Variants in ATP8A2 observed in about 807,000 individuals in gnomAD.
The protein encoded by ATP8A2 is ATPase phospholipid transporting 8A2.
A neutral mutation model predicts 165.6 loss-of-function variants in ATP8A2; 100 were observed. The observed-to-expected ratio is 0.60, with a 90% CI of 0.51 to 0.71. The LOEUF is 0.71. Ranked by LOEUF, ATP8A2 falls within the 30% of genes least tolerant of loss-of-function variation. The pLI is 0.00. For missense variants in ATP8A2, 1,227 were observed against 1,479.5 expected, an observed-to-expected ratio of 0.83 and a Z score of 2.80; for synonymous variants, 543 against 548.8, an observed-to-expected ratio of 0.99 and a Z score of 0.15.
chr13:25,701,729 C>A (rs1355905591), intron 25 of ATP8A2, among the ~76,000 whole-genome samples: 4 of 107,850 alleles, frequency 3.7e-5, no homozygotes, highest in Non-Finnish European at 8.1e-5. Context: ...CTAAAACACA[C>A]ACACACACAC....
rs1478896287 is a variant in ATP8A2 at position 25,543,332 on chromosome 13, C to T, written c.821C>T (p.Thr274Ile). ...CCTGACCAGATCTTATTAAGAGGTA[C>T]ACAGCTTAGAAATACTCAGTGGGTC... ...LGPDQILLRGTQLRNTQWVFG... is the reference protein window; with the variant it reads ...LGPDQILLRGIQLRNTQWVFG... Residue 274 changes from threonine (T) to isoleucine (I), a missense_variant, in exon 10 of 37, where the codon ACA becomes ATA. Around this residue, in one of 5 missense-constraint regions of ATP8A2, gnomAD observed 356 missense variants for 394.9 expected, o/e 0.90. Transcript: ENST00000381655. 2 of 1,613,114 alleles carry T rather than the reference C, an allele frequency of 1.2e-6. No individual in the cohort carries two copies. Among genetic ancestry groups the T allele is most frequent in the Non-Finnish European group, 1.7e-6 (2 of 1,179,280 alleles).
chr13:25,425,734 C>T (rs1472592471), intron 1 of ATP8A2, among the ~76,000 whole-genome samples: 1 of 152,100 alleles, frequency 6.6e-6, no homozygotes, highest in African/African-American at 2.4e-5. Context: ...ACCACCACGC[C>T]CGGCTAATTT....
intron 25 of ATP8A2, among the ~76,000 whole-genome samples, chr13:25,713,064 G>C (rs1046802903): frequency 1.3e-5 from 2 of 152,098 alleles, no homozygotes; most frequent in African/African-American, 2.4e-5. Flanking sequence ...TTTAAGTTTA[G>C]CAATTTAATC....
intron 32 of ATP8A2, 88 bp from the exon 33 acceptor site, chr13:25,862,213 G>T: frequency 1.2e-6 from 1 of 852,562 alleles, no homozygotes; most frequent in African/African-American, 1.7e-5. Flanking sequence ...AAGGTAGCTT[G>T]GATGCAAGGA....
At chr13:25,928,617 C>G (rs1954678802) in intron 33 of ATP8A2, among the ~76,000 whole-genome samples, 1 of 152,134 alleles carries the variant, frequency 6.6e-6, no homozygotes, top group Non-Finnish European at 1.5e-5. Context: ...AATAATAGAA[C>G]AGTTGTAGGA....
chr13:26,000,304 T>C (rs1956607454), intron 35 of ATP8A2, among the ~76,000 whole-genome samples: 1 of 152,224 alleles, frequency 6.6e-6, no homozygotes. Flanking sequence ...GTGATTCCGG[T>C]CAGTTGTAAC....
At chr13:25,956,421 G>A (rs1028351857) in intron 33 of ATP8A2, among the ~76,000 whole-genome samples, 1 of 152,182 alleles carries the variant, frequency 6.6e-6, no homozygotes, top group Non-Finnish European at 1.5e-5. Flanking sequence ...CTTCAGCAAA[G>A]TCTCAGGATA....
At position 25,381,863 on chromosome 13, in the gene ATP8A2, C is replaced by T. The variant is rs2032849784; in HGVS notation, c.76+9575C>T. 3.3e-5 allele frequency among the ~76,000 whole-genome samples: 5 copies of T among 152,186 alleles called. No homozygotes were observed. The South Asian group carries it at 1.0e-3, about 31-fold the overall frequency. ...AGGATGATATGTTGACAAGATATTA[C>T]AGGGCAATGTCGGCAGTGTTGTGCA... is the stretch of plus-strand genomic sequence containing the variant. On this transcript the variant is annotated intron_variant, in intron 1 of 36. Transcript: ENST00000381655.
intron 25 of ATP8A2, among the ~76,000 whole-genome samples, chr13:25,756,500 C>A (rs535317764): frequency 6.6e-6 from 1 of 152,114 alleles, no homozygotes; most frequent in South Asian, 2.1e-4. Context: ...GTGAAAGCTT[C>A]CAAATGTGTG....
At chr13:25,398,005 C>T (rs562164493) in intron 1 of ATP8A2, among the ~76,000 whole-genome samples, 46 of 152,228 alleles carry the variant, frequency 3.0e-4, no homozygotes, top group African/African-American at 9.6e-4. Flanking sequence ...TAGATGAAGC[C>T]TCCAGGTAGC....
At chr13:25,852,618 C>G (rs944034640) in intron 30 of ATP8A2, among the ~76,000 whole-genome samples, 22 of 152,110 alleles carry the variant, frequency 1.4e-4, no homozygotes, top group Admixed American at 1.4e-3. Context: ...GAAATTATCT[C>G]CTGTCATTCT....
chr13:25,919,277 G>A (rs1954367729), intron 33 of ATP8A2, among the ~76,000 whole-genome samples: 1 of 152,160 alleles, frequency 6.6e-6, no homozygotes, highest in Non-Finnish European at 1.5e-5. Flanking sequence ...CAAGGCCTCC[G>A]CTAAAGCATC....
chr13:25,744,325 A>ACCACCCCC (rs1555259962), intron 25 of ATP8A2, among the ~76,000 whole-genome samples: 2 of 148,416 alleles, frequency 1.3e-5, no homozygotes, highest in African/African-American at 5.1e-5. Flanking sequence ...CTCACTCACC[A>ACCACCCCC]CCCCCCCGTG....
chr13:25,829,482 T>G (rs1951400365), intron 28 of ATP8A2, among the ~76,000 whole-genome samples: 1 of 151,444 alleles, frequency 6.6e-6, no homozygotes, highest in South Asian at 2.1e-4. Context: ...GAAACTATTT[T>G]AAGTAGGTTA....
intron 1 of ATP8A2, among the ~76,000 whole-genome samples, chr13:25,423,936 G>GAC (rs1206866672): frequency 6.6e-6 from 1 of 152,156 alleles, no homozygotes; most frequent in African/African-American, 2.4e-5. Context: ...TGACAGCGTG[G>GAC]GCAAAGTTTA....
At chr13:25,652,539 A>G (rs1456842334) in intron 24 of ATP8A2, among the ~76,000 whole-genome samples, 1 of 152,050 alleles carries the variant, frequency 6.6e-6, no homozygotes, top group Non-Finnish European at 1.5e-5. Context: ...AATTTAGGAT[A>G]TTTTTCATTT....
chr13:25,813,074 G>C (rs1279477050), intron 27 of ATP8A2, among the ~76,000 whole-genome samples: 1 of 152,080 alleles, frequency 6.6e-6, no homozygotes. Flanking sequence ...GGGTTGGGGA[G>C]GGAGAGCATC....
intron 24 of ATP8A2, among the ~76,000 whole-genome samples, chr13:25,625,726 T>A (rs1402771523): frequency 1.3e-5 from 2 of 152,216 alleles, no homozygotes; most frequent in Non-Finnish European, 2.9e-5. Context: ...TACTGCAAGT[T>A]TTGTGTTGAT....
At chr13:25,997,728 G>A (rs1375850212) in intron 35 of ATP8A2, among the ~76,000 whole-genome samples, 2 of 152,060 alleles carry the variant, frequency 1.3e-5, no homozygotes, top group African/African-American at 2.4e-5. Flanking sequence ...CATCCACTGA[G>A]GTTTTTATTT....
Sources: gnomAD v4.1 joint callset for allele counts (sites outside exome capture counted in the v4.1 genomes callset) on GRCh38, gnomAD v4.1.1 for gene constraint, gnomAD v4.1.1 regional missense constraint, MANE v1.5 for transcripts, NCBI Gene and HGNC (gene_info 2026-07-23, HGNC 2026-07-21) for gene names.